HHIP: variants seen among roughly 807,000 people sequenced by gnomAD.
HHIP encodes hedgehog interacting protein.
HHIP carries 12 observed loss-of-function variants against 74.0 expected under a neutral mutation model. The ratio of observed to expected loss-of-function variants is 0.16; its 90% CI spans 0.10 to 0.26. The LOEUF is 0.26. Ranked by LOEUF, HHIP falls within the 10% of genes least tolerant of loss-of-function variation. HHIP has a pLI of 1.00. For synonymous variants in HHIP, 309 were observed against 311.6 expected (o/e 0.99, Z 0.09); for missense variants, 788 against 845.0 (o/e 0.93, Z 0.84).
At chr4:144,698,676 T>C (rs1252405179) in intron 4 of HHIP, among the ~76,000 whole-genome samples, 1 of 152,174 alleles carries the variant, frequency 6.6e-6, no homozygotes, top group Non-Finnish European at 1.5e-5. Flanking sequence ...GAGGAAATTT[T>C]AATGAAAAGG....
At chr4:144,707,646 C>CAAA (rs6148709) in intron 6 of HHIP, among the ~76,000 whole-genome samples, 6 of 57,168 alleles carry the variant, frequency 1.0e-4, no homozygotes, top group Non-Finnish European at 1.8e-4. Context: ...AGAACAGAGG[C>CAAA]AAAAAAAAAA....
chr4:144,681,951 T>C (rs1457224312), intron 4 of HHIP, among the ~76,000 whole-genome samples: 1 of 152,202 alleles, frequency 6.6e-6, no homozygotes, highest in Non-Finnish European at 1.5e-5. Flanking sequence ...AGCTCTTTCA[T>C]TCTACAGCTG....
rs373124184 is a variant in HHIP, at chr4:144,659,592, C to T, written c.630-45C>T. 1.3e-5 allele frequency: 17 copies of T among 1,299,542 alleles called. No homozygotes were observed. The African/African-American group carries it at 2.6e-4, about 20-fold the overall frequency. The allele number at this position is 1,299,542 out of a possible 1,614,324, so 80.5% of individuals were successfully genotyped here. ...AGGATGCCAAGTGCATCCCTTATCT[C>T]CTTCATCTCAAGAAAAGCTTACCGG... On this transcript the variant is annotated intron_variant, in intron 3 of 12. Coordinates refer to ENST00000296575, the MANE Select transcript of HHIP (RefSeq NM_022475.3).
chr4:144,677,058 T>G (rs1256797514), intron 4 of HHIP, among the ~76,000 whole-genome samples: 1 of 152,202 alleles, frequency 6.6e-6, no homozygotes, highest in Non-Finnish European at 1.5e-5. Flanking sequence ...GTGTCTCTTC[T>G]GTGGTAAACA....
At chr4:144,708,744 C>T (rs187787878) in intron 7 of HHIP, among the ~76,000 whole-genome samples, 1 of 152,284 alleles carries the variant, frequency 6.6e-6, no homozygotes, top group East Asian at 1.9e-4. Flanking sequence ...AAATAAAAAT[C>T]TGTAAGTAAA....
At chr4:144,704,586 T>C (rs1730078149) in intron 4 of HHIP, among the ~76,000 whole-genome samples, 1 of 152,234 alleles carries the variant, frequency 6.6e-6, no homozygotes, top group Non-Finnish European at 1.5e-5. Context: ...TTCTGAAGCA[T>C]GTTGCTATCC....
rs747064752 is a variant in HHIP at position 144,718,898 on chromosome 4, A to G, written c.1702A>G (p.Ser568Gly). 1 of 1,609,704 alleles carries G rather than the reference A, an allele frequency of 6.2e-7. No individual in the cohort carries two copies. The highest frequency in any genetic ancestry group is 8.5e-7 in the Non-Finnish European group (1 of 1,176,184). The change falls in exon 11 of 13, where the codon AGT (serine) becomes GGT (glycine). Residue 568 changes from serine (S) to glycine (G), a missense_variant. Around this residue, in one of 3 missense-constraint regions of HHIP, gnomAD observed 343 missense variants for 347.9 expected, o/e 0.99. Transcript: ENST00000296575. ...AGGTGAAGTTTACATTTTATCAAGC[A>G]GTAAAAGTATGACCCAGACTCACAA... The part of the protein sequence containing the change: ...ELGEVYILSS[S>G]KSMTQTHNGK...
chr4:144,730,880 C>T (rs1470671812), intron 11 of HHIP, among the ~76,000 whole-genome samples: 3 of 152,030 alleles, frequency 2.0e-5, no homozygotes, highest in Non-Finnish European at 2.9e-5. Context: ...CTTTGTCAGA[C>T]GTTACCAAAT....
Position 144,742,822 on chromosome 4 carries a change from T to C in HHIP, c.*4865T>C, listed in dbSNP as rs1731289075. 6.9e-6 allele frequency: 1 copy of C among 145,278 alleles called. No individual in the cohort carries two copies. The highest frequency in any genetic ancestry group is 7.0e-5 in the Admixed American group (1 of 14,256). 9.0% of individuals were successfully genotyped at this position (145,278 alleles called of 1,614,324 possible). A position where few individuals can be genotyped will look rare whatever the true frequency, so the allele number is the denominator to read the frequency against. On this transcript the variant is annotated 3_prime_UTR_variant, in exon 13 of 13. Transcript: ENST00000296575. ...ATATATATATTTATATATATGGTTA[T>C]ATATATTTGGTTATATATATATCTT...
intron 4 of HHIP, among the ~76,000 whole-genome samples, chr4:144,672,633 T>C (rs1729069758): frequency 6.6e-6 from 1 of 152,194 alleles, no homozygotes; most frequent in Non-Finnish European, 1.5e-5. Flanking sequence ...GGGGAATCAC[T>C]GGAGAGTTTT....
intron 4 of HHIP, among the ~76,000 whole-genome samples, chr4:144,691,104 A>G (rs1197805483): frequency 6.6e-6 from 1 of 152,146 alleles, no homozygotes; most frequent in Non-Finnish European, 1.5e-5. Context: ...GGGCTCCCAG[A>G]CAATCTTACA....
At chr4:144,713,457 A>G (rs1050315407) in intron 8 of HHIP, among the ~76,000 whole-genome samples, 1 of 152,184 alleles carries the variant, frequency 6.6e-6, no homozygotes, top group Non-Finnish European at 1.5e-5. Context: ...AGCTTTTGAT[A>G]AAATCTGTTG....
chr4:144,657,060 G>T, intron 2 of HHIP, among the ~76,000 whole-genome samples: 1 of 151,944 alleles, frequency 6.6e-6, no homozygotes, highest in Non-Finnish European at 1.5e-5. Context: ...TTACTTGCCT[G>T]GTTGCCAAGA....
chr4:144,724,645 CTT>C (rs2126678124), intron 11 of HHIP, among the ~76,000 whole-genome samples: 1 of 131,438 alleles, frequency 7.6e-6, no homozygotes, highest in African/African-American at 2.9e-5. Context: ...TATCAGTCTT[CTT>C]TTGTGTGTGT....
At chr4:144,682,157 T>G (rs1283347534) in intron 4 of HHIP, among the ~76,000 whole-genome samples, 2 of 152,194 alleles carry the variant, frequency 1.3e-5, no homozygotes, top group African/African-American at 2.4e-5. Context: ...ATGGGGGACA[T>G]AGAAAGCACT....
At position 144,685,571 on chromosome 4, in the gene HHIP, C is replaced by G. The variant is rs375908483; in HGVS notation, c.832-20960C>G. 6 of 152,238 alleles carry G rather than the reference C, an allele frequency of 3.9e-5. No homozygotes were observed. The East Asian group carries it at 1.2e-3, about 29-fold the overall frequency. 9.4% of individuals were successfully genotyped at this position (152,238 alleles called of 1,614,324 possible). A position where few individuals can be genotyped will look rare whatever the true frequency, so the allele number is the denominator to read the frequency against. On this transcript the variant is annotated intron_variant, in intron 4 of 12. Transcript: ENST00000296575. ...TGATAGAAGCAACATGATGGCCAAG[C>G]CTCCTTTTCTTGCTCTTGTACTTTC...
intron 4 of HHIP, among the ~76,000 whole-genome samples, chr4:144,671,269 A>C (rs1578688238): frequency 6.6e-6 from 1 of 151,926 alleles, no homozygotes; most frequent in South Asian, 2.1e-4. Context: ...TAATTGCATA[A>C]ATTCCTTAAT....
At chr4:144,703,076 A>G (rs1730032703) in intron 4 of HHIP, among the ~76,000 whole-genome samples, 1 of 152,074 alleles carries the variant, frequency 6.6e-6, no homozygotes, top group Admixed American at 6.5e-5. Flanking sequence ...TTAGCTGGGC[A>G]TGGTGCAAGT....
intron 4 of HHIP, among the ~76,000 whole-genome samples, chr4:144,700,819 AT>A (rs1729958716): frequency 6.6e-6 from 1 of 152,328 alleles, no homozygotes; most frequent in South Asian, 2.1e-4. Flanking sequence ...AATTTATGTT[AT>A]TTCAAGCCAC....
Sources: gnomAD v4.1 joint callset for allele counts (sites outside exome capture counted in the v4.1 genomes callset) on GRCh38, gnomAD v4.1.1 for gene constraint, gnomAD v4.1.1 regional missense constraint, MANE v1.5 for transcripts, NCBI Gene and HGNC (gene_info 2026-07-23, HGNC 2026-07-21) for gene names.